Variants in INPP5K observed in about 807,000 individuals in gnomAD.
INPP5K encodes inositol polyphosphate-5-phosphatase K.
A neutral mutation model predicts 53.5 loss-of-function variants in INPP5K; 35 were observed. The ratio of observed to expected loss-of-function variants is 0.65; its 90% CI spans 0.50 to 0.87. The LOEUF (loss-of-function observed/expected upper bound fraction) is 0.87, where lower values mean the gene tolerates loss of function less well. INPP5K is among the 40% of genes least tolerant of loss of function. INPP5K has a pLI of 0.00. For missense variants in INPP5K, 550 were observed against 586.2 expected, an observed-to-expected ratio of 0.94 and a Z score of 0.64; for synonymous variants, 253 against 232.8, an observed-to-expected ratio of 1.09 and a Z score of -0.79.
chr17:1,500,174 G>C (rs759154830), intron 7 of INPP5K, among the ~76,000 whole-genome samples: 1 of 152,192 alleles, frequency 6.6e-6, no homozygotes, highest in Non-Finnish European at 1.5e-5. Flanking sequence ...CCCAAGTAGG[G>C]CTTTCAAGGG....
rs912591630 is a variant in INPP5K, at chr17:1,496,312, G to A, written c.1185+7C>T. 3.2e-6 allele frequency: 5 copies of A among 1,556,720 alleles called. No individual in the cohort carries two copies. In the African/African-American group the frequency reaches 5.4e-5, roughly 17 times the overall value. ...TGCTGGTGATGTACCTGGTGCTGGT[G>A]ACGTACCTGGTTCAGGTTGTCGCTG... On this transcript the variant is annotated splice_region_variant and intron_variant, in intron 10 of 11. Transcript: ENST00000421807.
intron 1 of INPP5K, among the ~76,000 whole-genome samples, chr17:1,515,129 A>ACTC (rs1487301007): frequency 6.6e-6 from 1 of 151,590 alleles, no homozygotes; most frequent in African/African-American, 2.4e-5. Flanking sequence ...CTGGTCCTGA[A>ACTC]CTCCTGATCT....
At position 1,495,634 on chromosome 17, in the gene INPP5K, G is replaced by A. The variant is rs11559105; in HGVS notation, c.*189C>T. On this transcript the variant is annotated 3_prime_UTR_variant, in exon 12 of 12. Transcript: ENST00000421807. Reference sequence around the variant, plus strand: ...CAGCAACAAAAACCTGTATTTAAGCGGCTAATTCCAGAGATGAGTAGTGGA... The same window carrying A: ...CAGCAACAAAAACCTGTATTTAAGCAGCTAATTCCAGAGATGAGTAGTGGA... The A allele has an allele frequency of 0.064, 36,302 of 567,182 alleles. 1,318 individuals are homozygous for A. Among genetic ancestry groups the A allele is most frequent in the African/African-American group, 0.091 (4,815 of 53,008 alleles). 35.1% of individuals were successfully genotyped at this position (567,182 alleles called of 1,614,324 possible).
intron 1 of INPP5K, chr17:1,516,248 G>T: frequency 1.2e-6 from 1 of 855,124 alleles, no homozygotes; most frequent in Non-Finnish European, 1.7e-6. Flanking sequence ...CTGCGCCCCA[G>T]TGGGAACGAG....
chr17:1,516,124 G>A, intron 1 of INPP5K: 1 of 1,256,256 alleles, frequency 8.0e-7, no homozygotes. Flanking sequence ...ATGTGCTGAT[G>A]AAAAGTAGGA....
chr17:1,498,245 A>T (rs1041458001), intron 7 of INPP5K, 123 bp from the exon 8 acceptor site: 1 of 816,670 alleles, frequency 1.2e-6, no homozygotes, highest in African/African-American at 1.7e-5. Context: ...GCAGCCACAG[A>T]CCCCCGGGGC....
intron 1 of INPP5K, 190 bp downstream of exon 1, chr17:1,516,266 G>A (rs2075434560): frequency 2.9e-5 from 25 of 869,872 alleles, no homozygotes; most frequent in Non-Finnish European, 4.1e-5. Context: ...GAGCTTGGCG[G>A]CCTCGGCTTA....
chr17:1,502,380 C>A (rs2075047998), intron 7 of INPP5K, among the ~76,000 whole-genome samples: 1 of 152,136 alleles, frequency 6.6e-6, no homozygotes, highest in African/African-American at 2.4e-5. Flanking sequence ...TGGTAATGAA[C>A]CACACAAATG....
At chr17:1,499,831 A>C (rs2074959285) in intron 7 of INPP5K, among the ~76,000 whole-genome samples, 1 of 152,206 alleles carries the variant, frequency 6.6e-6, no homozygotes, top group Admixed American at 6.5e-5. Context: ...ATCAACCCAG[A>C]GTAATAAAGC....
intron 6 of INPP5K, 123 bp downstream of exon 6, chr17:1,507,992 C>T: frequency 1.3e-6 from 1 of 751,400 alleles, no homozygotes; most frequent in East Asian, 2.5e-5. Context: ...GCTAGACAGC[C>T]TCCCCCACCA....
intron 6 of INPP5K, 75 bp from the exon 7 acceptor site, chr17:1,507,164 A>T: frequency 9.3e-7 from 1 of 1,077,780 alleles, no homozygotes; most frequent in Non-Finnish European, 1.4e-6. Context: ...CATTCAAGGG[A>T]TCAGCACATG....
intron 10 of INPP5K, 51 bp from the exon 11 acceptor site, chr17:1,496,215 C>T: frequency 6.6e-7 from 1 of 1,525,716 alleles, no homozygotes; most frequent in African/African-American, 1.4e-5. Flanking sequence ...CTGGGCTCCA[C>T]CCAGCTCTGA....
At chr17:1,505,141 GA>G (rs1182825594) in intron 7 of INPP5K, among the ~76,000 whole-genome samples, 1 of 152,078 alleles carries the variant, frequency 6.6e-6, no homozygotes, top group African/African-American at 2.4e-5. Flanking sequence ...TTTTAAAGAG[GA>G]TTTTTTTTTT....
In INPP5K at chr17:1,506,991, G is replaced by C; in HGVS notation, c.765C>G (p.Asp255Glu). Reference sequence around the variant, plus strand: ...CACTCCCTCCTCACCTGGTGTCATAGTCGTTGGAGTTCCTATCAAACTTGT... The same window carrying C: ...CACTCCCTCCTCACCTGGTGTCATACTCGTTGGAGTTCCTATCAAACTTGT... ...PTYKFDRNSN[D>E]YDTSEKKRKP... is the part of the protein sequence containing the mutation. The change falls in exon 7 of 12, where the codon GAC (aspartate) becomes GAG (glutamate). Residue 255 changes from aspartate (D) to glutamate (E), a missense_variant. By Grantham distance (45) the Asp-to-Glu change is conservative. Transcript: ENST00000421807. 1 of 1,613,218 alleles carries C rather than the reference G, an allele frequency of 6.2e-7. No individual in the cohort carries two copies. Among genetic ancestry groups the C allele is most frequent in the Non-Finnish European group, 8.5e-7 (1 of 1,179,250 alleles).
rs1302880292 is a variant in INPP5K at position 1,495,856 on chromosome 17, C to T, written c.1314G>A (p.Glu438=). ...PFQIPPGSLR[E]DPLGEAQPQI ...GTGGCTGTGCTTCACCCAGTGGGTC[C>T]TCCCTCAAGGAGCCAGGCGGGATCT... The change falls in exon 12 of 12, where the codon GAG becomes GAA. Residue 438 remains glutamate, a synonymous_variant. Coordinates refer to ENST00000421807, the MANE Select transcript of INPP5K (RefSeq NM_016532.4). 6.2e-7 allele frequency: 1 copy of T among 1,613,402 alleles called. No individual in the cohort carries two copies.
Position 1,516,554 on chromosome 17 carries a change from G to T in INPP5K, c.-55C>A. ...GCAGGTTCGCGTCTCCCGGCCAGCG[G>T]GTCCCGGCCAGAGCAGCCCTGCGGG... On this transcript the variant is annotated 5_prime_UTR_variant, in exon 1 of 12. Coordinates refer to ENST00000421807, the MANE Select transcript of INPP5K (RefSeq NM_016532.4). The T allele has an allele frequency of 4.0e-6, 6 of 1,517,052 alleles. No homozygotes were observed. In the South Asian group the frequency reaches 6.2e-5, roughly 16 times the overall value. The allele number at this position is 1,517,052 out of a possible 1,614,324, so 94.0% of individuals were successfully genotyped here.
At chr17:1,514,250 G>A (rs932173815) in intron 1 of INPP5K, among the ~76,000 whole-genome samples, 1 of 151,190 alleles carries the variant, frequency 6.6e-6, no homozygotes, top group Non-Finnish European at 1.5e-5. Flanking sequence ...TTGAACCCAC[G>A]AGGCAGAGGT....
Position 1,496,665 on chromosome 17 carries a change from C to A in INPP5K, c.1101+1G>T, listed in dbSNP as rs756670174. 6 of 1,614,068 alleles carry A rather than the reference C, an allele frequency of 3.7e-6. No homozygotes were observed. The Admixed American group carries it at 1.0e-4, about 27-fold the overall frequency. ...GACTTCCTGCCTTGCCACCACATCA[C>A]CTTGTACAGTCCAATCCAGTCCCAC... On this transcript the variant is annotated splice_donor_variant, in intron 9 of 11. Transcript: ENST00000421807. LOFTEE classifies it high-confidence loss of function.
At chr17:1,495,914 C>G in intron 11 of INPP5K, 35 bp from the exon 12 acceptor site, 1 of 1,573,890 alleles carries the variant, frequency 6.4e-7, no homozygotes, top group Non-Finnish European at 8.7e-7. Flanking sequence ...AAATGGAGAG[C>G]GGGTCTTCCT....
Sources: gnomAD v4.1 joint callset for allele counts (sites outside exome capture counted in the v4.1 genomes callset) on GRCh38, gnomAD v4.1.1 for gene constraint, MANE v1.5 for transcripts, NCBI Gene and HGNC (gene_info 2026-07-23, HGNC 2026-07-21) for gene names.